The following FCHO2 variants were observed in gnomAD, a reference collection of about 807,000 sequenced individuals.
FCHO2 encodes the protein F-BAR domain only protein 2.
FCHO2 carries 43 observed loss-of-function variants against 114.1 expected under a neutral mutation model. That is an observed-to-expected ratio of 0.38 (90% CI 0.30 to 0.49). FCHO2 has a LOEUF of 0.49. Ranked by LOEUF, FCHO2 falls within the 20% of genes least tolerant of loss-of-function variation. The pLI is 0.97. For synonymous variants in FCHO2, 293 were observed against 315.2 expected (o/e 0.93, Z 0.75); for missense variants, 807 against 950.4 (o/e 0.85, Z 1.98).
intron 5 of FCHO2, among the ~76,000 whole-genome samples, chr5:73,001,702 C>G (rs1012282760): frequency 6.6e-6 from 1 of 151,768 alleles, no homozygotes; most frequent in Non-Finnish European, 1.5e-5. Context: ...AATCCCAGCA[C>G]TTTGGGAGGC....
At chr5:73,068,508 T>C in intron 18 of FCHO2, 142 bp from the exon 19 acceptor site, 1 of 695,574 alleles carries the variant, frequency 1.4e-6, no homozygotes, top group Non-Finnish European at 2.3e-6. Context: ...TGATATGATA[T>C]ATGGCATCTC....
chr5:73,039,590 T>C (rs1756703095), intron 10 of FCHO2, among the ~76,000 whole-genome samples: 1 of 152,212 alleles, frequency 6.6e-6, no homozygotes, highest in Non-Finnish European at 1.5e-5. Context: ...AAGGAAGCTG[T>C]ATTTCAAAAT....
intron 16 of FCHO2, among the ~76,000 whole-genome samples, chr5:73,057,909 A>T (rs1462292911): frequency 6.6e-6 from 1 of 152,154 alleles, no homozygotes; most frequent in Non-Finnish European, 1.5e-5. Context: ...TGCTAACTTC[A>T]CATGTTATCT....
intron 17 of FCHO2, among the ~76,000 whole-genome samples, chr5:73,062,909 T>A (rs1757915183): frequency 6.6e-6 from 1 of 152,090 alleles, no homozygotes; most frequent in Non-Finnish European, 1.5e-5. Context: ...CTCTAAACTT[T>A]GAAAACATGC....
intron 8 of FCHO2, chr5:73,020,602 G>A: frequency 5.7e-6 from 4 of 704,942 alleles, no homozygotes; most frequent in South Asian, 1.6e-5. Flanking sequence ...TGGGAGAAGG[G>A]GAATGATGGG....
chr5:72,956,459 G>C (rs1484286494), intron 1 of FCHO2, among the ~76,000 whole-genome samples: 1 of 151,590 alleles, frequency 6.6e-6, no homozygotes, highest in Non-Finnish European at 1.5e-5. Context: ...GCTCCGCGCG[G>C]GGCGTGCGCG....
intron 8 of FCHO2, among the ~76,000 whole-genome samples, chr5:73,026,190 G>T (rs1363896623): frequency 2.0e-5 from 3 of 152,196 alleles, no homozygotes; most frequent in South Asian, 2.1e-4. Context: ...GCCAAGTGCA[G>T]TGGCTCACAC....
chr5:72,967,911 C>T (rs372536641), intron 1 of FCHO2, among the ~76,000 whole-genome samples: 27 of 151,776 alleles, frequency 1.8e-4, no homozygotes, highest in East Asian at 1.6e-3. Context: ...TGAGCCACCA[C>T]GCCTGGCCTC....
intron 2 of FCHO2, among the ~76,000 whole-genome samples, chr5:72,988,672 G>T (rs1216495544): frequency 2.6e-5 from 4 of 152,164 alleles, no homozygotes; most frequent in Admixed American, 2.0e-4. Flanking sequence ...CAGGATTTCA[G>T]ACTTGATGAT....
chr5:72,979,680 C>T (rs566297517), intron 2 of FCHO2, among the ~76,000 whole-genome samples: 48 of 152,024 alleles, frequency 3.2e-4, no homozygotes, highest in Non-Finnish European at 5.4e-4. Flanking sequence ...CGTGAGCCAC[C>T]GCGCCCGGCC....
intron 8 of FCHO2, among the ~76,000 whole-genome samples, chr5:73,019,506 A>G (rs2112752851): frequency 6.6e-6 from 1 of 152,192 alleles, no homozygotes; most frequent in Non-Finnish European, 1.5e-5. Context: ...GCGCCATTGC[A>G]CTCCAGCCTG....
At chr5:73,030,590 C>T (rs1303955373) in intron 8 of FCHO2, among the ~76,000 whole-genome samples, 1 of 152,200 alleles carries the variant, frequency 6.6e-6, no homozygotes, top group Non-Finnish European at 1.5e-5. Context: ...AATTAAATAT[C>T]TACCAGTGGC....
At position 73,075,945 on chromosome 5, in the gene FCHO2, G is replaced by A. The variant is rs192394109; in HGVS notation, c.1691+1092G>A. On this transcript the variant is annotated intron_variant, in intron 20 of 25. Transcript: ENST00000430046. ...GATAAAATACTTGGTAGTGTAATTA[G>A]TTTGTAGATAATACTCAAAATTAGT... Among the ~76,000 whole-genome samples, 70 of 152,236 alleles carry A rather than the reference G, an allele frequency of 4.6e-4. 2 individuals carry two copies. The highest frequency in any genetic ancestry group is 4.3e-3 in the Admixed American group (65 of 15,270).
At chr5:73,054,124 C>A in intron 13 of FCHO2, 36 bp from the exon 14 acceptor site, 1 of 1,443,936 alleles carries the variant, frequency 6.9e-7, no homozygotes, top group Non-Finnish European at 9.3e-7. Flanking sequence ...ATTCAGAATT[C>A]TAACCTAATT....
chr5:73,030,755 A>G (rs915921601), intron 8 of FCHO2, among the ~76,000 whole-genome samples: 5 of 152,224 alleles, frequency 3.3e-5, no homozygotes, highest in African/African-American at 1.2e-4. Flanking sequence ...TGGTTTAACA[A>G]GTTCTCCAGG....
At chr5:73,052,068 T>C (rs543510770) in intron 12 of FCHO2, among the ~76,000 whole-genome samples, 99 of 151,820 alleles carry the variant, frequency 6.5e-4, no homozygotes, top group Non-Finnish European at 1.3e-3. Context: ...GGACCACAGG[T>C]GCATGCCACC....
In FCHO2 at chr5:72,992,474, A is replaced by T. The variant is rs1753858075; in HGVS notation, c.495+1610A>T. 8.5e-5 allele frequency among the ~76,000 whole-genome samples: 13 copies of T among 152,352 alleles called. No homozygotes were observed. The South Asian group carries it at 2.7e-3, about 32-fold the overall frequency. Reference sequence around the variant, plus strand: ...ATGGCACGTAGAGATTGATTATGCAAGCTGTTGAACTCAAAAGTCCTAAAG... The same window carrying T: ...ATGGCACGTAGAGATTGATTATGCATGCTGTTGAACTCAAAAGTCCTAAAG... On this transcript the variant is annotated intron_variant, in intron 5 of 25. Transcript: ENST00000430046.
Position 72,975,322 on chromosome 5 carries a change from C to CTGAT in FCHO2, c.125+6751_125+6754dup, listed in dbSNP as rs1049747816. Among the ~76,000 whole-genome samples, 6 of 152,024 alleles carry CTGAT rather than the reference C, an allele frequency of 3.9e-5. No homozygotes were observed. In the East Asian group the frequency reaches 7.7e-4, roughly 20 times the overall value. ...AAAACGTAAACTTTGTATACATTAT[C>CTGAT]TGATTGATTGATTGATTGATTTGAG... On this transcript the variant is annotated intron_variant, in intron 2 of 25. Transcript: ENST00000430046.
rs1396410938 is a variant in FCHO2, at chr5:73,046,382, C to T, written c.940-4967C>T. Among the ~76,000 whole-genome samples the T allele has an allele frequency of 5.3e-5, 8 of 152,190 alleles. No homozygotes were observed. In the Middle Eastern group the frequency reaches 0.01, roughly 194 times the overall value. ...GTGCCTGGCCTGTTGATGTTTTGAT[C>T]AGAATTTATCGTTGTAGTCTACAGG... On this transcript the variant is annotated intron_variant, in intron 11 of 25. Transcript: ENST00000430046.
Sources: gnomAD v4.1 joint callset for allele counts (sites outside exome capture counted in the v4.1 genomes callset) on GRCh38, gnomAD v4.1.1 for gene constraint, MANE v1.5 for transcripts, NCBI Gene and HGNC (gene_info 2026-07-23, HGNC 2026-07-21) for gene names.